Variants in LRMDA observed in about 807,000 individuals in gnomAD.
LRMDA encodes the protein leucine-rich melanocyte differentiation-associated protein.
LRMDA carries 18 observed loss-of-function variants against 29.8 expected under a neutral mutation model. The observed-to-expected ratio is 0.60, with a 90% CI of 0.42 to 0.90. The LOEUF (loss-of-function observed/expected upper bound fraction) is 0.90, where lower values mean the gene tolerates loss of function less well. Among genes scored for constraint, LRMDA ranks in the 40% least tolerant of loss-of-function variants. LRMDA has a pLI of 0.00. For missense variants in LRMDA, 273 were observed against 273.9 expected, an observed-to-expected ratio of 1.00 and a Z score of 0.02; for synonymous variants, 125 against 109.4, an observed-to-expected ratio of 1.14 and a Z score of -0.89.
Position 75,930,611 on chromosome 10 carries a change from A to C in LRMDA, c.132-105397A>C, listed in dbSNP as rs538845926. Among the ~76,000 whole-genome samples, 4 of 152,274 alleles carry C rather than the reference A, an allele frequency of 2.6e-5. No homozygotes were observed. The South Asian group carries it at 8.3e-4, about 32-fold the overall frequency. On this transcript the variant is annotated intron_variant, in intron 2 of 6. Transcript: ENST00000611255. Reference sequence around the variant, plus strand: ...GCTATTTGAGTTGTAGTTTATTGACAAGTGGTCAAGACCCTTTTCAGGGTA... The same window carrying C: ...GCTATTTGAGTTGTAGTTTATTGACCAGTGGTCAAGACCCTTTTCAGGGTA...
intron 2 of LRMDA, among the ~76,000 whole-genome samples, chr10:75,962,068 C>A (rs1336215183): frequency 6.6e-6 from 1 of 152,200 alleles, no homozygotes; most frequent in Non-Finnish European, 1.5e-5. Context: ...GCCTGCCCTA[C>A]TCCATTATCA....
At position 76,164,410 on chromosome 10, in the gene LRMDA, T is replaced by C. The variant is rs576393289; in HGVS notation, c.516+105627T>C. Among the ~76,000 whole-genome samples, 12 of 152,350 alleles carry C rather than the reference T, an allele frequency of 7.9e-5. No homozygotes were observed. The South Asian group carries it at 2.1e-3, about 26-fold the overall frequency. On this transcript the variant is annotated intron_variant, in intron 5 of 6. Coordinates refer to ENST00000611255, the MANE Select transcript of LRMDA (RefSeq NM_001305581.2). ...AGAAAGACAGTGTCCACCTGTTTTT[T>C]CTAGAATAGGGGTTGGCAAATTACA...
intron 6 of LRMDA, among the ~76,000 whole-genome samples, chr10:76,542,698 A>C (rs879918267): frequency 6.6e-6 from 1 of 152,244 alleles, no homozygotes; most frequent in Non-Finnish European, 1.5e-5. Context: ...GGCAGCGTGG[A>C]GTATCAGCCA....
intron 2 of LRMDA, among the ~76,000 whole-genome samples, chr10:75,690,791 G>GTC (rs144978726): frequency 0.016 from 2,435 of 151,122 alleles, 75 homozygotes; most frequent in African/African-American, 0.052. Flanking sequence ...GCAAAAACCT[G>GTC]TCTCTCTCTC....
In LRMDA at chr10:75,518,615, C is replaced by A. The variant is rs1012097233; in HGVS notation, c.131+80121C>A. ...TTTTCTTCTTTATTAGTCTTGCTAG[C>A]AGTCTATCAATTTTGTTGATCTTTT... is the stretch of plus-strand genomic sequence containing the variant. On this transcript the variant is annotated intron_variant, in intron 2 of 6. Coordinates refer to ENST00000611255, the MANE Select transcript of LRMDA (RefSeq NM_001305581.2). Among the ~76,000 whole-genome samples, 14 of 152,176 alleles carry A rather than the reference C, an allele frequency of 9.2e-5. No individual in the cohort carries two copies. The East Asian group carries it at 9.6e-4, about 10-fold the overall frequency.
intron 5 of LRMDA, among the ~76,000 whole-genome samples, chr10:76,321,462 G>A (rs1290082743): frequency 2.0e-5 from 3 of 150,950 alleles, no homozygotes; most frequent in Non-Finnish European, 4.4e-5. Flanking sequence ...TTTATTGACT[G>A]TTCAGGTTTT....
At chr10:75,930,219 C>T (rs1410555676) in intron 2 of LRMDA, among the ~76,000 whole-genome samples, 1 of 152,164 alleles carries the variant, frequency 6.6e-6, no homozygotes, top group Non-Finnish European at 1.5e-5. Context: ...ACAACTCTCA[C>T]CAGAACCATC....
intron 5 of LRMDA, among the ~76,000 whole-genome samples, chr10:76,213,314 A>T (rs1005420887): frequency 6.6e-6 from 1 of 152,194 alleles, no homozygotes; most frequent in Admixed American, 6.5e-5. Flanking sequence ...TTGTGAATGG[A>T]AGATGCTGCC....
intron 2 of LRMDA, among the ~76,000 whole-genome samples, chr10:75,461,884 G>A (rs766409553): frequency 1.4e-4 from 21 of 152,226 alleles, no homozygotes; most frequent in Non-Finnish European, 2.9e-4. Flanking sequence ...AGCCCTATGA[G>A]GTGGCGGCCA....
intron 2 of LRMDA, among the ~76,000 whole-genome samples, chr10:75,489,858 G>T (rs1264470544): frequency 6.6e-6 from 1 of 152,116 alleles, no homozygotes; most frequent in African/African-American, 2.4e-5. Context: ...TTCCATGGAT[G>T]AATGTCATGG....
chr10:75,625,022 T>G (rs1364286266), intron 2 of LRMDA, among the ~76,000 whole-genome samples: 1 of 152,188 alleles, frequency 6.6e-6, no homozygotes, highest in East Asian at 1.9e-4. Flanking sequence ...CAGGGAAGTT[T>G]GCACATTCAT....
chr10:75,641,161 A>G (rs1841448320), intron 2 of LRMDA, among the ~76,000 whole-genome samples: 3 of 152,278 alleles, frequency 2.0e-5, no homozygotes, highest in South Asian at 4.1e-4. Flanking sequence ...GAAAACTAAG[A>G]TTGAAAGAGA....
chr10:75,513,585 A>C (rs936857144), intron 2 of LRMDA, among the ~76,000 whole-genome samples: 9 of 152,184 alleles, frequency 5.9e-5, no homozygotes, highest in African/African-American at 2.2e-4. Context: ...AATGGGTTTC[A>C]CTGGGTTAAA....
chr10:75,828,783 C>G (rs1844289144), intron 2 of LRMDA, among the ~76,000 whole-genome samples: 1 of 152,180 alleles, frequency 6.6e-6, no homozygotes, highest in African/African-American at 2.4e-5. Context: ...CTGGGAATTT[C>G]CATCTCAGAG....
At chr10:75,697,852 C>CGCGCGT (rs1842256673) in intron 2 of LRMDA, among the ~76,000 whole-genome samples, 3 of 97,278 alleles carry the variant, frequency 3.1e-5, no homozygotes, top group African/African-American at 1.4e-4. Flanking sequence ...TGTGTGTGTG[C>CGCGCGT]GTGTGTGTGT....
chr10:76,307,566 C>A (rs944745927), intron 5 of LRMDA, among the ~76,000 whole-genome samples: 5 of 152,180 alleles, frequency 3.3e-5, no homozygotes, highest in Admixed American at 2.0e-4. Flanking sequence ...GCCAGCTGCT[C>A]TCTCAGCACT....
At chr10:75,737,962 G>A (rs1842785843) in intron 2 of LRMDA, among the ~76,000 whole-genome samples, 1 of 152,164 alleles carries the variant, frequency 6.6e-6, no homozygotes, top group South Asian at 2.1e-4. Context: ...GTGAGGCATG[G>A]CTAACTCTAA....
At chr10:76,021,918 G>A (rs183147719) in intron 2 of LRMDA, among the ~76,000 whole-genome samples, 31 of 152,266 alleles carry the variant, frequency 2.0e-4, no homozygotes, top group East Asian at 1.9e-3. Context: ...CTTTGCATAC[G>A]CTTTTTCCTA....
At chr10:76,535,582 A>C (rs1212912239) in intron 6 of LRMDA, among the ~76,000 whole-genome samples, 1 of 152,146 alleles carries the variant, frequency 6.6e-6, no homozygotes, top group East Asian at 1.9e-4. Flanking sequence ...AAAAGTTCAT[A>C]TGCCAAGAAA....
Sources: allele counts gnomAD v4.1 joint callset (sites outside exome capture counted in the v4.1 genomes callset), GRCh38; gene constraint gnomAD v4.1.1; transcripts MANE v1.5; gene names NCBI Gene and HGNC (gene_info 2026-07-23, HGNC 2026-07-21).